Variants in MYH7B observed in about 807,000 individuals in gnomAD.
The protein encoded by MYH7B is myosin heavy chain 7B.
Under a neutral mutation model 234.5 loss-of-function variants are expected in MYH7B, and 205 were observed. The observed-to-expected ratio is 0.87, with a 90% CI of 0.78 to 0.98. MYH7B has a LOEUF of 0.98. Ranked by LOEUF, MYH7B falls within the 50% of genes least tolerant of loss-of-function variation. The probability of loss-of-function intolerance (pLI) is 0.00; values close to 1 mark genes in which losing one functional copy is unlikely to be tolerated. For missense variants in MYH7B, 2,652 were observed against 2,633.4 expected (o/e 1.01, Z -0.15); for synonymous variants, 1,193 against 1,105.0 (o/e 1.08, Z -1.58).
exon 40 of MYH7B, chr20:35,000,771 A>T: frequency 6.2e-7 from 1 of 1,612,646 alleles, no homozygotes; most frequent in South Asian, 1.1e-5. Context: ...CCCTCAGAAC[A>T]CAGGCCTCCT....
In MYH7B at chr20:35,001,304, G is replaced by A. The variant is rs36003887; in HGVS notation, c.5535G>A (p.Lys1845=). ...AGAAGAAGCACGCCGAGGCCCTTAA[G>A]GGCGTGCGCAAGCATGAGCGCCGTG... is the stretch of plus-strand genomic sequence containing the variant. Residue 1845 remains lysine (K), a synonymous_variant, in exon 42 of 45, where the codon AAG becomes AAA. Transcript: ENST00000262873. The A allele has an allele frequency of 0.19, 303,427 of 1,611,902 alleles. 29,757 individuals are homozygous for A. Among genetic ancestry groups the A allele is most frequent in the Middle Eastern group, 0.33 (1,978 of 6,058 alleles).
At chr20:34,979,330 A>G (rs1244670555) in intron 5 of MYH7B, 60 bp from the exon 6 acceptor site, 21 of 1,363,938 alleles carry the variant, frequency 1.5e-5, no homozygotes, top group Non-Finnish European at 1.9e-5. Flanking sequence ...TGGGAACTCC[A>G]GCTAGAACCT....
intron 2 of MYH7B, among the ~76,000 whole-genome samples, chr20:34,967,570 C>T (rs1290799464): frequency 6.6e-6 from 1 of 152,112 alleles, no homozygotes; most frequent in African/African-American, 2.4e-5. Context: ...CCCCGCCCTC[C>T]ACTGCTGCTT....
chr20:34,983,298 CTTTTTTTTTT>C (rs57589264), intron 10 of MYH7B, among the ~76,000 whole-genome samples: 14 of 71,662 alleles, frequency 2.0e-4, no homozygotes, highest in African/African-American at 4.7e-4. Flanking sequence ...CTTTTCTTTT[CTTTTTTTTTT>C]TTTTTTTTTG....
Position 34,999,756 on chromosome 20 carries a change from C to CT in MYH7B, c.4666-35_4666-34insT, listed in dbSNP as rs775688070. On this transcript the variant is annotated intron_variant, in intron 37 of 44. Coordinates refer to ENST00000262873, the Ensembl canonical transcript of MYH7B. The stretch of plus-strand genomic sequence containing the variant: ...CCTGCTGCTCCACTGGCCATCCCCC[C>CT]CCCCCACCCTACCCTGCCTGCTCTG... The CT allele has an allele frequency of 4.5e-5, 59 of 1,310,066 alleles. No individual in the cohort carries two copies. In the African/African-American group the frequency reaches 9.0e-4, roughly 20 times the overall value. 81.2% of individuals were successfully genotyped at this position (1,310,066 alleles called of 1,614,324 possible).
At chr20:34,985,413 C>A (rs1184273475) in intron 13 of MYH7B, among the ~76,000 whole-genome samples, 1 of 152,058 alleles carries the variant, frequency 6.6e-6, no homozygotes, top group Non-Finnish European at 1.5e-5. Flanking sequence ...GATGGAGACC[C>A]AAATCCTCAT....
intron 1 of MYH7B, among the ~76,000 whole-genome samples, chr20:34,957,541 G>A (rs2081652884): frequency 6.8e-6 from 1 of 147,236 alleles, no homozygotes; most frequent in South Asian, 2.1e-4. Context: ...CCAGGCTGGA[G>A]TGCAGTGGCA....
At position 34,999,839 on chromosome 20, in the gene MYH7B, C is replaced by G. The variant is rs746822371; in HGVS notation, c.4714C>G (p.Leu1572Val). The change falls in exon 38 of 45, where the codon CTC becomes GTC. Residue 1572 changes from leucine to valine, a missense_variant. Physicochemically the swap from Leu to Val is conservative, Grantham distance 32 (BLOSUM62 1). Transcript: ENST00000262873. The stretch of plus-strand genomic sequence containing the variant: ...CAAGACGCTGCGGATCCAGCTGGAG[C>G]TCTCCCAGGTCAAAGCAGAAGTGGA... 2.5e-6 allele frequency: 4 copies of G among 1,612,438 alleles called. No individual in the cohort carries two copies. The Admixed American group carries it at 5.0e-5, about 20-fold the overall frequency.
rs761106010 is a variant in MYH7B at position 34,958,205 on chromosome 20, T to C, written c.-229T>C. 6.6e-6 allele frequency among the ~76,000 whole-genome samples: 1 copy of C among 152,124 alleles called. No individual in the cohort carries two copies. The highest frequency in any genetic ancestry group is 1.5e-5 in the Non-Finnish European group (1 of 68,024). ...GCCCTTTGGTTGAAACCTCTCACAA[T>C]GTGGCAGGTAAGATGTCTTTATTCC... On this transcript the variant is annotated 5_prime_UTR_variant, in exon 2 of 45. It removes an upstream start codon present in the reference 5' UTR. Transcript: ENST00000262873.
chr20:34,956,824 G>C (rs1279540992), intron 1 of MYH7B, among the ~76,000 whole-genome samples: 2 of 152,188 alleles, frequency 1.3e-5, no homozygotes, highest in African/African-American at 4.8e-5. Flanking sequence ...AGAGGCCGAG[G>C]CAGGTGGATT....
chr20:34,987,381 C>T, intron 16 of MYH7B, 94 bp downstream of exon 16: 1 of 1,532,530 alleles, frequency 6.5e-7, no homozygotes, highest in Non-Finnish European at 8.9e-7. Context: ...CCTTTAACCT[C>T]AGTCTTACCT....
chr20:34,977,890 G>A (rs774175794), intron 4 of MYH7B, 44 bp from the exon 5 acceptor site: 6 of 1,610,034 alleles, frequency 3.7e-6, no homozygotes, highest in Non-Finnish European at 3.4e-6. Context: ...GTGGGTTGGG[G>A]GATCGTGCCC....
intron 5 of MYH7B, 120 bp downstream of exon 5, chr20:34,978,216 G>A: frequency 8.3e-7 from 1 of 1,207,452 alleles, no homozygotes; most frequent in South Asian, 1.4e-5. Flanking sequence ...CTGACAGCTG[G>A]AGCCCTGGAC....
At chr20:34,999,434 G>A in intron 36 of MYH7B, 29 bp downstream of exon 36, 1 of 1,512,724 alleles carries the variant, frequency 6.6e-7, no homozygotes, top group Non-Finnish European at 8.8e-7. Flanking sequence ...CAGGGCCAGG[G>A]TGCTGCCCTG....
rs1441295522 is a variant in MYH7B, at chr20:34,997,182, G to C, written c.3357+9G>C. Reference sequence around the variant, plus strand: ...AGATCAAGGAGCTGCAGGTGCGTGGGGATCGGGTGGGTGAGGCCTGGGGTC... The same window carrying C: ...AGATCAAGGAGCTGCAGGTGCGTGGCGATCGGGTGGGTGAGGCCTGGGGTC... On this transcript the variant is annotated intron_variant, in intron 31 of 44. Coordinates refer to ENST00000262873, the Ensembl canonical transcript of MYH7B. 3.9e-6 allele frequency: 6 copies of C among 1,550,336 alleles called. No homozygotes were observed. The highest frequency in any genetic ancestry group is 5.2e-6 in the Non-Finnish European group (6 of 1,147,304).
intron 36 of MYH7B, 78 bp from the exon 37 acceptor site, chr20:34,999,493 G>T: frequency 6.6e-7 from 1 of 1,525,530 alleles, no homozygotes; most frequent in South Asian, 1.3e-5. Flanking sequence ...GGGCCACCCT[G>T]GAATCAGGGG....
At chr20:34,999,968 A>G in intron 38 of MYH7B, 62 bp downstream of exon 38, 1 of 1,442,460 alleles carries the variant, frequency 6.9e-7, no homozygotes, top group Non-Finnish European at 9.6e-7. Context: ...AGCAGTGTGT[A>G]CTCTGCTCTC....
At chr20:34,990,199 T>C (rs995811441) in intron 21 of MYH7B, 35 bp from the exon 22 acceptor site, 24 of 1,613,926 alleles carry the variant, frequency 1.5e-5, no homozygotes, top group Non-Finnish European at 1.9e-5. Flanking sequence ...CAGAGCGACA[T>C]TCCCTGGAGT....
Position 34,987,542 on chromosome 20 carries a change from C to G in MYH7B, c.1148-15C>G. On this transcript the variant is annotated splice_polypyrimidine_tract_variant and intron_variant, in intron 16 of 44. Transcript: ENST00000262873. ...GGTGGTGTCCTCCTCCCTTACCCCACTCGTGCCCTGCCAGGTGCTGACAAG... is the reference window on the plus strand; with the variant it reads ...GGTGGTGTCCTCCTCCCTTACCCCAGTCGTGCCCTGCCAGGTGCTGACAAG... 6.6e-7 allele frequency: 1 copy of G among 1,511,708 alleles called. No individual in the cohort carries two copies. The allele number at this position is 1,511,708 out of a possible 1,614,324, so 93.6% of individuals were successfully genotyped here.
Sources: allele counts gnomAD v4.1 joint callset (sites outside exome capture counted in the v4.1 genomes callset), GRCh38; gene constraint gnomAD v4.1.1; transcripts MANE v1.5; gene names NCBI Gene and HGNC (gene_info 2026-07-23, HGNC 2026-07-21).